PLEKHA7: variants seen among roughly 807,000 people sequenced by gnomAD.
PLEKHA7 encodes the protein pleckstrin homology domain-containing family A member 7.
Under a neutral mutation model 170.0 loss-of-function variants are expected in PLEKHA7, and 104 were observed. The observed-to-expected ratio is 0.61, with a 90% CI of 0.52 to 0.72. The LOEUF (loss-of-function observed/expected upper bound fraction) is 0.72. PLEKHA7 is among the 30% of genes least tolerant of loss of function. The pLI is 0.00. For synonymous variants in PLEKHA7, 648 were observed against 660.8 expected (o/e 0.98, Z 0.30); for missense variants, 1,615 against 1,671.7 (o/e 0.97, Z 0.59).
chr11:16,928,069 T>G (rs1027315105), intron 3 of PLEKHA7, among the ~76,000 whole-genome samples: 3 of 152,320 alleles, frequency 2.0e-5, no homozygotes, highest in African/African-American at 7.2e-5. Context: ...ACCTACTATC[T>G]GAGGTAAAAT....
chr11:16,987,473 C>G (rs1047394165), intron 3 of PLEKHA7, among the ~76,000 whole-genome samples: 5 of 152,182 alleles, frequency 3.3e-5, no homozygotes, highest in Non-Finnish European at 7.3e-5. Context: ...AGTAGAGACG[C>G]ACCCTTGAGG....
rs1196150978 is a variant in PLEKHA7, at chr11:16,789,847, C to T, written c.3084G>A (p.Gln1028=). The T allele has an allele frequency of 3.1e-6, 5 of 1,614,120 alleles. No individual in the cohort carries two copies. The highest frequency in any genetic ancestry group is 4.2e-6 in the Non-Finnish European group (5 of 1,179,968). Residue 1028 remains glutamine (Q), a synonymous_variant, in exon 22 of 27, where the codon CAG becomes CAA. Transcript: ENST00000531066. The surrounding 1 kb of genome is among the most constrained non-coding windows in gnomAD (Gnocchi z 4.6). ...TGACGTAGGGAGCAATGGTGGACGA[C>T]TGCTGGAGCCTTGACGTGGACCCTG... ...GLSGSTSRLQ[Q]SSTIAPYVTL... is the part of the protein sequence containing the mutation.
At chr11:16,822,304 T>C (rs1257284777) in intron 10 of PLEKHA7, among the ~76,000 whole-genome samples, 1 of 152,092 alleles carries the variant, frequency 6.6e-6, no homozygotes, top group East Asian at 1.9e-4. Context: ...CCTTTTACTC[T>C]GCGTCCTGAG....
In PLEKHA7 at chr11:16,786,363, G is replaced by T. The variant is rs1376462643; in HGVS notation, c.3382C>A (p.Leu1128Met). 1 of 1,536,150 alleles carries T rather than the reference G, an allele frequency of 6.5e-7. No homozygotes were observed. Among genetic ancestry groups the T allele is most frequent in the South Asian group, 1.2e-5 (1 of 84,056 alleles). The stretch of plus-strand genomic sequence containing the variant: ...TGCACGACCCGTTCCAGCAACTGCA[G>T]GTCAAAGTCCTGCTCACGCTTCCAC... ...GSWKREQDFDLQLLERVVQGE... is the reference protein window; with the variant it reads ...GSWKREQDFDMQLLERVVQGE... The change falls in exon 24 of 27, where the codon CTG becomes ATG. Residue 1128 changes from leucine (L) to methionine (M), a missense_variant. Transcript: ENST00000531066.
At chr11:16,795,275 C>A in intron 17 of PLEKHA7, 1 of 471,472 alleles carries the variant, frequency 2.1e-6, no homozygotes. Flanking sequence ...AACAGACTGC[C>A]GTAAACACTG....
At chr11:16,981,371 C>G (rs12294528) in intron 3 of PLEKHA7, among the ~76,000 whole-genome samples, 4,177 of 152,264 alleles carry the variant, frequency 0.027, 169 homozygotes, top group African/African-American at 0.096. Context: ...GCTGGCAGTG[C>G]TACCACCAGG....
chr11:16,987,893 C>G (rs902347095), intron 3 of PLEKHA7, among the ~76,000 whole-genome samples: 13 of 152,190 alleles, frequency 8.5e-5, no homozygotes, highest in African/African-American at 3.1e-4. Context: ...GAGCTCTGGA[C>G]AAACCTAGGG....
chr11:16,946,529 G>T (rs1435711800), intron 3 of PLEKHA7, among the ~76,000 whole-genome samples: 1 of 152,116 alleles, frequency 6.6e-6, no homozygotes, highest in East Asian at 1.9e-4. Context: ...TGACTTTTTT[G>T]ATGTGTTCAA....
At position 16,826,529 on chromosome 11, in the gene PLEKHA7, C is replaced by T. The variant is rs1433195596; in HGVS notation, c.934G>A (p.Glu312Lys). The stretch of plus-strand genomic sequence containing the variant: ...TGTCCGGGTCCCACCCGGCCACATT[C>T]GTGACAGGACTCTGTGTGGTTGGCC... ...PQANHTESCHECGRVGPGHTR... is the reference protein window; with the variant it reads ...PQANHTESCHKCGRVGPGHTR... The change falls in exon 10 of 27, where the codon GAA becomes AAA. Residue 312 changes from glutamate (E) to lysine (K), a missense_variant. By Grantham distance (56) the Glu-to-Lys change is moderately conservative. Transcript: ENST00000531066. The T allele has an allele frequency of 5.6e-6, 9 of 1,614,218 alleles. No homozygotes were observed. The highest frequency in any genetic ancestry group is 6.8e-6 in the Non-Finnish European group (8 of 1,180,050).
At chr11:16,880,915 C>T (rs578223106) in intron 3 of PLEKHA7, among the ~76,000 whole-genome samples, 4 of 152,276 alleles carry the variant, frequency 2.6e-5, no homozygotes, top group African/African-American at 4.8e-5. Context: ...TAAGATGCTG[C>T]GGTTCATCTC....
At chr11:16,904,794 C>T (rs868729133) in intron 3 of PLEKHA7, among the ~76,000 whole-genome samples, 1 of 151,930 alleles carries the variant, frequency 6.6e-6, no homozygotes, top group Non-Finnish European at 1.5e-5. Context: ...TTTAAAACTT[C>T]AAAATGGGGA....
chr11:16,896,430 T>C (rs1856998140), intron 3 of PLEKHA7, among the ~76,000 whole-genome samples: 2 of 152,260 alleles, frequency 1.3e-5, no homozygotes, highest in Admixed American at 6.5e-5. Context: ...CCAAGAATCA[T>C]AGCACCTAGA....
intron 3 of PLEKHA7, among the ~76,000 whole-genome samples, chr11:16,888,528 A>G (rs942256286): frequency 6.6e-6 from 1 of 152,304 alleles, no homozygotes; most frequent in Non-Finnish European, 1.5e-5. Flanking sequence ...GGATGCTGTT[A>G]ATCTATAACC....
intron 8 of PLEKHA7, chr11:16,842,666 G>A (rs1852067257): frequency 6.7e-6 from 1 of 149,646 alleles, no homozygotes. Flanking sequence ...GGGAAGATTT[G>A]CAAATCAGAG....
At chr11:16,859,371 T>A (rs1853745186) in intron 4 of PLEKHA7, among the ~76,000 whole-genome samples, 1 of 152,232 alleles carries the variant, frequency 6.6e-6, no homozygotes, top group Admixed American at 6.5e-5. Flanking sequence ...GAATAACAAC[T>A]AGTTAAAAAA....
intron 3 of PLEKHA7, among the ~76,000 whole-genome samples, chr11:16,960,974 G>A (rs184220975): frequency 5.3e-5 from 8 of 152,228 alleles, no homozygotes; most frequent in Admixed American, 5.2e-4. Flanking sequence ...GCCCCTGCCT[G>A]TCTTTCCTCC....
intron 3 of PLEKHA7, among the ~76,000 whole-genome samples, chr11:16,983,874 A>G (rs1024659842): frequency 2.0e-5 from 3 of 152,054 alleles, no homozygotes; most frequent in Admixed American, 1.3e-4. Flanking sequence ...CTTTAATAAT[A>G]TTACCCCAGC....
intron 4 of PLEKHA7, among the ~76,000 whole-genome samples, chr11:16,859,984 C>T (rs1853808242): frequency 6.6e-6 from 1 of 152,240 alleles, no homozygotes; most frequent in South Asian, 2.1e-4. Flanking sequence ...TTAACAAAGA[C>T]TTCTCTCTCC....
intron 3 of PLEKHA7, among the ~76,000 whole-genome samples, chr11:16,996,397 C>T (rs1864339801): frequency 1.3e-5 from 2 of 152,188 alleles, no homozygotes; most frequent in South Asian, 2.1e-4. Flanking sequence ...GGTCCCTCCA[C>T]CTATCCCATC....
Sources: gnomAD v4.1 joint callset for allele counts (sites outside exome capture counted in the v4.1 genomes callset) on GRCh38, gnomAD v4.1.1 for gene constraint, Gnocchi (gnomAD v3.1) non-coding constraint, MANE v1.5 for transcripts, NCBI Gene and HGNC (gene_info 2026-07-23, HGNC 2026-07-21) for gene names.